HDAC9: variants seen among roughly 807,000 people sequenced by gnomAD.
The protein encoded by HDAC9 is histone deacetylase 9.
Under a neutral mutation model 139.4 loss-of-function variants are expected in HDAC9, and 41 were observed. The observed-to-expected ratio is 0.29, with a 90% CI of 0.23 to 0.38. HDAC9 has a LOEUF of 0.38. HDAC9 is among the 10% of genes least tolerant of loss of function. HDAC9 has a pLI of 1.00. For missense variants in HDAC9, 1,147 were observed against 1,297.0 expected (o/e 0.88, Z 1.78); for synonymous variants, 517 against 476.2 (o/e 1.09, Z -1.12).
chr7:18,611,796 C>G (rs567221507), intron 6 of HDAC9, among the ~76,000 whole-genome samples: 1 of 152,160 alleles, frequency 6.6e-6, no homozygotes, highest in African/African-American at 2.4e-5. Context: ...GAATAAAGTT[C>G]AAAATCTTTT....
At chr7:18,178,304 C>T (rs780678005) in intron 2 of HDAC9, among the ~76,000 whole-genome samples, 3 of 152,202 alleles carry the variant, frequency 2.0e-5, no homozygotes, top group African/African-American at 4.8e-5. Context: ...AGACTTGTCT[C>T]GAACTTCTGA....
chr7:18,505,922 A>G (rs907579749), intron 2 of HDAC9: 2 of 152,218 alleles, frequency 1.3e-5, no homozygotes, highest in African/African-American at 2.4e-5. Flanking sequence ...CCTTTGGGTC[A>G]GTTATTCTTA....
At chr7:18,940,638 G>A (rs887051430) in intron 23 of HDAC9, among the ~76,000 whole-genome samples, 1 of 152,120 alleles carries the variant, frequency 6.6e-6, no homozygotes, top group African/African-American at 2.4e-5. Flanking sequence ...ATAGTTTTTA[G>A]AATTCATAAT....
chr7:18,980,763 T>TTCTTCTTCTTCC (rs1784883668), intron 25 of HDAC9, among the ~76,000 whole-genome samples: 1 of 150,136 alleles, frequency 6.7e-6, no homozygotes. Context: ...TTCTTCCTTC[T>TTCTTCTTCTTCC]TCTTCTTCTT....
chr7:18,367,166 C>T (rs1784247919), intron 1 of HDAC9, among the ~76,000 whole-genome samples: 1 of 151,924 alleles, frequency 6.6e-6, no homozygotes, highest in South Asian at 2.1e-4. Context: ...GAAATACAAT[C>T]ATATTTAATT....
At chr7:18,672,538 C>A (rs1230654037) in intron 12 of HDAC9, among the ~76,000 whole-genome samples, 1 of 151,944 alleles carries the variant, frequency 6.6e-6, no homozygotes, top group East Asian at 1.9e-4. Flanking sequence ...CTTTGATGCA[C>A]AAAAGTTTTG....
chr7:18,840,950 G>A (rs1796545770), intron 21 of HDAC9, among the ~76,000 whole-genome samples: 1 of 152,042 alleles, frequency 6.6e-6, no homozygotes, highest in South Asian at 2.1e-4. Flanking sequence ...CTCAAGTGCA[G>A]AATGAAATAA....
At chr7:18,568,399 G>C (rs1188073433) in intron 2 of HDAC9, among the ~76,000 whole-genome samples, 1 of 152,182 alleles carries the variant, frequency 6.6e-6, no homozygotes, top group Non-Finnish European at 1.5e-5. Flanking sequence ...TCTCGTCTGT[G>C]AAATGGGGAT....
rs143318724 is a variant in HDAC9 at position 18,480,012 on chromosome 7, T to C, written c.-41-16250T>C. 2.1e-3 allele frequency among the ~76,000 whole-genome samples: 321 copies of C among 150,944 alleles called. 3 individuals carry two copies. The East Asian group carries it at 0.059, about 28-fold the overall frequency. ...TTTTTTTTTTTTTTTTCTGGAAGAT[T>C]GCCTGTTTCTAGCAGAACCTTTTCC... On this transcript the variant is annotated intron_variant, in intron 1 of 3. Coordinates refer to the HDAC9 transcript ENST00000413509.
chr7:18,553,934 T>A (rs1419716027), intron 2 of HDAC9, among the ~76,000 whole-genome samples: 5 of 152,190 alleles, frequency 3.3e-5, no homozygotes, highest in Admixed American at 1.3e-4. Flanking sequence ...GCTCAGTATT[T>A]CTTATGAAGG....
At chr7:18,503,355 C>T (rs1182241521) in intron 2 of HDAC9, among the ~76,000 whole-genome samples, 1 of 152,180 alleles carries the variant, frequency 6.6e-6, no homozygotes, top group African/African-American at 2.4e-5. Flanking sequence ...TAGTTCCATT[C>T]TTCTTCAACT....
At chr7:18,984,904 T>G (rs1222307292) in intron 25 of HDAC9, among the ~76,000 whole-genome samples, 1 of 151,746 alleles carries the variant, frequency 6.6e-6, no homozygotes, top group Non-Finnish European at 1.5e-5. Context: ...GGTGTGAGTT[T>G]GTGTGTGTGT....
chr7:18,272,835 A>G (rs1796439182), intron 2 of HDAC9, among the ~76,000 whole-genome samples: 1 of 151,912 alleles, frequency 6.6e-6, no homozygotes, highest in South Asian at 2.1e-4. Context: ...TGGAAGAGTA[A>G]AGGTCAGGAA....
At chr7:18,162,414 T>C (rs1172476729) in intron 2 of HDAC9, 1 of 1,389,578 alleles carries the variant, frequency 7.2e-7, no homozygotes, top group African/African-American at 1.5e-5. Context: ...TTGTGTTGTT[T>C]CAAACCAAGT....
intron 1 of HDAC9, among the ~76,000 whole-genome samples, chr7:18,390,399 G>A (rs1235618101): frequency 6.6e-6 from 1 of 152,006 alleles, no homozygotes; most frequent in Non-Finnish European, 1.5e-5. Flanking sequence ...AGCAACCATT[G>A]GTTCCTAGAA....
At chr7:18,819,998 G>A (rs2129198017) in intron 17 of HDAC9, among the ~76,000 whole-genome samples, 1 of 152,186 alleles carries the variant, frequency 6.6e-6, no homozygotes, top group Middle Eastern at 3.4e-3. Context: ...TGCATAATAT[G>A]GCATTTGTGG....
intron 25 of HDAC9, among the ~76,000 whole-genome samples, chr7:18,990,919 C>A (rs1435889884): frequency 6.6e-6 from 1 of 152,252 alleles, no homozygotes; most frequent in African/African-American, 2.4e-5. Flanking sequence ...ATGGAGCGCG[C>A]ACCCACTGAC....
intron 12 of HDAC9, among the ~76,000 whole-genome samples, chr7:18,703,966 C>T (rs1031805733): frequency 2.6e-5 from 4 of 152,306 alleles, no homozygotes; most frequent in African/African-American, 9.6e-5. Context: ...CTGACCTTGT[C>T]CTGCCTTGAC....
chr7:18,949,815 CT>C (rs1419512378), intron 23 of HDAC9: 1 of 152,002 alleles, frequency 6.6e-6, no homozygotes, highest in Non-Finnish European at 1.5e-5. Flanking sequence ...TAAATGACTC[CT>C]ACTCCAGAGA....
Sources: gnomAD v4.1 joint callset for allele counts (sites outside exome capture counted in the v4.1 genomes callset) on GRCh38, gnomAD v4.1.1 for gene constraint, MANE v1.5 for transcripts, NCBI Gene and HGNC (gene_info 2026-07-23, HGNC 2026-07-21) for gene names.